Variants in MDM2 observed in about 807,000 individuals in gnomAD.
MDM2 encodes the protein E3 ubiquitin-protein ligase Mdm2.
MDM2 carries 11 observed loss-of-function variants against 64.3 expected under a neutral mutation model. The ratio of observed to expected loss-of-function variants is 0.17; its 90% CI spans 0.11 to 0.28. The LOEUF (loss-of-function observed/expected upper bound fraction) is 0.28. MDM2 is among the 10% of genes least tolerant of loss of function. MDM2 has a pLI of 1.00. For missense variants in MDM2, 388 were observed against 577.1 expected (o/e 0.67, Z 3.36); for synonymous variants, 194 against 192.9 (o/e 1.01, Z -0.05).
At chr12:68,833,289 AT>A (rs1204260457) in intron 8 of MDM2, among the ~76,000 whole-genome samples, 8,686 of 110,648 alleles carry the variant, frequency 0.079, 1,563 homozygotes, top group African/African-American at 0.29. Flanking sequence ...AAATATAAAT[AT>A]ATATATTTAT....
At chr12:68,824,332 C>T (rs1428303464) in intron 5 of MDM2, 31 bp from the exon 6 acceptor site, 1 of 1,598,618 alleles carries the variant, frequency 6.3e-7, no homozygotes, top group African/African-American at 1.3e-5. Context: ...CGCCCACCAC[C>T]AAGTTTCTGA....
chr12:68,829,063 T>G (rs1882584319), intron 8 of MDM2, 132 bp downstream of exon 8: 6 of 935,780 alleles, frequency 6.4e-6, no homozygotes, highest in Non-Finnish European at 9.5e-6. Context: ...TAAATTTTAC[T>G]TTAAAATAAA....
At position 68,808,367 on chromosome 12, in the gene MDM2, G is replaced by A. The variant is rs1183983241; in HGVS notation, c.-111G>A. The A allele has an allele frequency of 1.1e-5, 16 of 1,450,580 alleles. No individual in the cohort carries two copies. The highest frequency in any genetic ancestry group is 1.4e-5 in the Non-Finnish European group (15 of 1,038,918). The allele number at this position is 1,450,580 out of a possible 1,614,324, so 89.9% of individuals were successfully genotyped here. A position where few individuals can be genotyped will look rare whatever the true frequency, so the allele number is the denominator to read the frequency against. On this transcript the variant is annotated 5_prime_UTR_variant, in exon 1 of 11. Transcript: ENST00000258149. ...GTGCGTACGAGCGCCCAGTGCCCTG[G>A]CCCGGAGAGTGGAATGATCCCCGAG...
At chr12:68,820,418 T>G in intron 5 of MDM2, 44 bp downstream of exon 5, 1 of 1,458,968 alleles carries the variant, frequency 6.9e-7, no homozygotes, top group East Asian at 2.3e-5. Context: ...ATAAAAACGT[T>G]TTAAAGACAT....
Position 68,842,717 on chromosome 12 carries a change from C to T in MDM2, c.*2868C>T, listed in dbSNP as rs1319367167. ...TATATATAAAGTAAAATTTTCTTTG[C>T]AGTAAAATATGCCCTTTATTATAGA... On this transcript the variant is annotated 3_prime_UTR_variant, in exon 11 of 11. Coordinates refer to ENST00000258149, the MANE Select transcript of MDM2 (RefSeq NM_002392.6). 3 of 195,590 alleles carry T rather than the reference C, an allele frequency of 1.5e-5. No homozygotes were observed. The highest frequency in any genetic ancestry group is 7.0e-5 in the African/African-American group (3 of 42,774). 12.1% of individuals were successfully genotyped at this position (195,590 alleles called of 1,614,324 possible). A position where few individuals can be genotyped will look rare whatever the true frequency, so the allele number is the denominator to read the frequency against.
intron 7 of MDM2, among the ~76,000 whole-genome samples, chr12:68,827,933 C>T (rs977521363): frequency 1.3e-5 from 2 of 152,130 alleles, no homozygotes; most frequent in Admixed American, 1.3e-4. Context: ...GAGTTTGAGA[C>T]CAGTGTGGCC....
chr12:68,814,851 C>T (rs1881212806), intron 3 of MDM2, among the ~76,000 whole-genome samples: 1 of 152,190 alleles, frequency 6.6e-6, no homozygotes, highest in Non-Finnish European at 1.5e-5. Flanking sequence ...CTGTCTCTCC[C>T]ACTTAGTTTA....
At chr12:68,814,995 A>C (rs891742439) in intron 3 of MDM2, among the ~76,000 whole-genome samples, 1 of 152,210 alleles carries the variant, frequency 6.6e-6, no homozygotes, top group African/African-American at 2.4e-5. Flanking sequence ...TGGTAGAATA[A>C]ATCTAAGTTC....
chr12:68,848,213 T>C (rs1632248), downstream of MDM2: 132,189 of 152,270 alleles, frequency 0.87, 57,544 homozygotes, highest in African/African-American at 0.93. Flanking sequence ...GATGGCGTCT[T>C]GCTCTGTTGC....
chr12:68,839,320 C>T lies in MDM2; in HGVS notation c.965C>T (p.Pro322Leu), dbSNP rs867680779. The T allele has an allele frequency of 6.2e-7, 1 of 1,613,808 alleles. No homozygotes were observed. The highest frequency in any genetic ancestry group is 2.2e-5 in the East Asian group (1 of 44,846). ...TGCAATGAAATGAATCCCCCCCTTC[C>T]ATCACATTGCAACAGATGTTGGGCC... The part of the protein sequence containing the change: ...TSCNEMNPPL[P>L]SHCNRCWALR... The change falls in exon 11 of 11, where the codon CCA becomes CTA. Residue 322 changes from proline to leucine, a missense_variant. This residue lies in a region of MDM2 where 138 missense variants were observed against 143.7 expected (regional missense o/e 0.96). Coordinates refer to ENST00000258149, the MANE Select transcript of MDM2 (RefSeq NM_002392.6).
chr12:68,849,390 GTT>G (rs67479332), downstream of MDM2: 5 of 129,076 alleles, frequency 3.9e-5, no homozygotes, highest in Admixed American at 8.0e-5. Context: ...GCGCCTGGCC[GTT>G]TTTTTTTTTG....
intron 5 of MDM2, among the ~76,000 whole-genome samples, chr12:68,823,798 C>T (rs1019966005): frequency 6.6e-6 from 1 of 152,096 alleles, no homozygotes; most frequent in Non-Finnish European, 1.5e-5. Flanking sequence ...GCTGCAACAT[C>T]GCATTAAGGA....
chr12:68,833,338 T>TATTTATATAAATATAAAA (rs1883050021), intron 8 of MDM2, among the ~76,000 whole-genome samples: 1 of 135,490 alleles, frequency 7.4e-6, no homozygotes, highest in Admixed American at 7.9e-5. Context: ...TATAAAAATA[T>TATTTATATAAATATAAAA]ATATTTATGT....
intron 8 of MDM2, among the ~76,000 whole-genome samples, chr12:68,829,818 A>G (rs1882649714): frequency 6.6e-6 from 1 of 152,068 alleles, no homozygotes; most frequent in Non-Finnish European, 1.5e-5. Context: ...ACGGGAGAGT[A>G]TCAGTACTTT....
chr12:68,837,193 A>T (rs138939383), intron 10 of MDM2, among the ~76,000 whole-genome samples: 1 of 151,926 alleles, frequency 6.6e-6, no homozygotes, highest in East Asian at 1.9e-4. Context: ...ACCTCAAGTG[A>T]TCTGCCCACC....
Position 68,835,936 on chromosome 12 carries a change from T to C in MDM2, c.792T>C (p.Asp264=), listed in dbSNP as rs771461181. The C allele has an allele frequency of 6.8e-6, 11 of 1,612,770 alleles. No homozygotes were observed. In the South Asian group the frequency reaches 1.1e-4, roughly 16 times the overall value. The change falls in exon 9 of 11, where the codon GAT becomes GAC. Residue 264 remains aspartate, a synonymous_variant. Transcript: ENST00000258149. The part of the protein sequence containing the change: ...EFEVESLDSE[D]YSLSEEGQEL... ...AAGTTGAATCTCTCGACTCAGAAGA[T>C]TATAGCCTTAGTGAAGAAGGACAAG...
In MDM2 at chr12:68,824,776, GT is replaced by G. The variant is rs902251182; in HGVS notation, c.523+132del. 16 of 634,726 alleles carry G rather than the reference GT, an allele frequency of 2.5e-5. No homozygotes were observed. In the African/African-American group the frequency reaches 2.6e-4, roughly 11 times the overall value. 39.3% of individuals were successfully genotyped at this position (634,726 alleles called of 1,614,324 possible). A position where few individuals can be genotyped will look rare whatever the true frequency, so the allele number is the denominator to read the frequency against. ...TTGGTTGAGATGAATTAACCTCTGA[GT>G]TTTTTTCATTCGTGATTTTATTTGA... is the stretch of plus-strand genomic sequence containing the variant. On this transcript the variant is annotated intron_variant, in intron 7 of 10. Coordinates refer to ENST00000258149, the MANE Select transcript of MDM2 (RefSeq NM_002392.6).
At position 68,836,792 on chromosome 12, in the gene MDM2, A is replaced by G. The variant is rs762025174; in HGVS notation, c.918+43A>G. 13 of 1,284,156 alleles carry G rather than the reference A, an allele frequency of 1.0e-5. No homozygotes were observed. The South Asian group carries it at 1.2e-4, about 12-fold the overall frequency. 79.5% of individuals were successfully genotyped at this position (1,284,156 alleles called of 1,614,324 possible). On this transcript the variant is annotated intron_variant, in intron 10 of 10. Coordinates refer to ENST00000258149, the MANE Select transcript of MDM2 (RefSeq NM_002392.6). ...TTTTTAAGAAATAAAAATTTCATTA[A>G]GGTCAAGATTAGGAGACTATATCTA... is the stretch of plus-strand genomic sequence containing the variant.
At position 68,840,613 on chromosome 12, in the gene MDM2, C is replaced by T. The variant is rs1223098727; in HGVS notation, c.*764C>T. 1 of 181,182 alleles carries T rather than the reference C, an allele frequency of 5.5e-6. No individual in the cohort carries two copies. The highest frequency in any genetic ancestry group is 2.4e-5 in the African/African-American group (1 of 42,272). The allele number at this position is 181,182 out of a possible 1,614,324, so 11.2% of individuals were successfully genotyped here. On this transcript the variant is annotated 3_prime_UTR_variant, in exon 11 of 11. Coordinates refer to ENST00000258149, the MANE Select transcript of MDM2 (RefSeq NM_002392.6). ...CTCCGCTTCCCGGGTTCAAGCCATT[C>T]TCCTGGCTCAGCCTCTGGAGCAGCT...
Sources: allele counts gnomAD v4.1 joint callset (sites outside exome capture counted in the v4.1 genomes callset), GRCh38; gene constraint gnomAD v4.1.1; regional missense constraint gnomAD v4.1.1; transcripts MANE v1.5; gene names NCBI Gene and HGNC (gene_info 2026-07-23, HGNC 2026-07-21).